The following DNAH14 variants were observed in gnomAD, a reference collection of about 807,000 sequenced individuals.
The protein encoded by DNAH14 is axonemal beta dynein heavy chain 14.
In DNAH14, 478 loss-of-function variants were observed where a neutral mutation model predicts 520.9. The ratio of observed to expected loss-of-function variants is 0.92; its 90% CI spans 0.85 to 0.99. The LOEUF (loss-of-function observed/expected upper bound fraction) is 0.99. Ranked by LOEUF, DNAH14 falls within the 50% of genes least tolerant of loss-of-function variation. The probability of loss-of-function intolerance (pLI) is 0.00; values close to 1 mark genes in which losing one functional copy is unlikely to be tolerated. For synonymous variants in DNAH14, 1,581 were observed against 1,757.2 expected (o/e 0.90, Z 2.51); for missense variants, 4,831 against 5,234.5 (o/e 0.92, Z 2.38).
intron 11 of DNAH14, among the ~76,000 whole-genome samples, chr1:225,029,189 T>C (rs1186457894): frequency 6.6e-6 from 1 of 152,034 alleles, no homozygotes; most frequent in Non-Finnish European, 1.5e-5. Context: ...ATATATTATA[T>C]GATTCCATTT....
chr1:225,240,934 AAAG>A (rs777578010), intron 43 of DNAH14, 112 bp downstream of exon 43: 4 of 856,934 alleles, frequency 4.7e-6, no homozygotes, highest in Non-Finnish European at 5.2e-6. Context: ...ATTGAAGGAA[AAAG>A]AAGGTTTATA....
Position 225,258,063 on chromosome 1 carries a change from C to A in DNAH14, c.6969C>A (p.Cys2323Ter), listed in dbSNP as rs866476437. The A allele has an allele frequency of 2.1e-5, 33 of 1,548,810 alleles. No individual in the cohort carries two copies. The highest frequency in any genetic ancestry group is 2.1e-5 in the Non-Finnish European group (24 of 1,146,032). ...ATACCGCTACCAGAGACACAACATG[C>A]CTTTCTTTTCTCATGAGCCTTCTTT... ...INYTATRDTT[C>*]LSFLMSLLLK... Residue 2323 changes from cysteine (C) to a stop codon, truncating the protein, a stop_gained, in exon 45 of 86, where the codon TGC (cysteine) becomes TGA (stop). Transcript: ENST00000682510. LOFTEE classifies it high-confidence loss of function.
chr1:225,185,998 TA>T (rs1415975771), intron 37 of DNAH14, among the ~76,000 whole-genome samples: 3 of 146,102 alleles, frequency 2.1e-5, no homozygotes, highest in African/African-American at 7.6e-5. Flanking sequence ...TTTCAGCATC[TA>T]TTTTTTAAAT....
At chr1:224,983,585 A>G (rs557006823) in intron 8 of DNAH14, among the ~76,000 whole-genome samples, 46 of 152,302 alleles carry the variant, frequency 3.0e-4, no homozygotes, top group Non-Finnish European at 1.8e-4. Flanking sequence ...GGGCATCCAA[A>G]TTGGTAAAGA....
intron 41 of DNAH14, among the ~76,000 whole-genome samples, chr1:225,208,560 A>G (rs1041918776): frequency 2.0e-5 from 3 of 152,216 alleles, no homozygotes; most frequent in African/African-American, 7.2e-5. Context: ...GTTAACATTC[A>G]TATAACAGAA....
At chr1:225,238,836 G>A (rs78527765) in intron 42 of DNAH14, among the ~76,000 whole-genome samples, 7,468 of 152,254 alleles carry the variant, frequency 0.049, 288 homozygotes, top group Non-Finnish European at 0.073. Flanking sequence ...ACCTCTGCAT[G>A]GAGGCCACAC....
chr1:225,315,654 G>C (rs1473015418), intron 60 of DNAH14, among the ~76,000 whole-genome samples: 7 of 152,136 alleles, frequency 4.6e-5, no homozygotes, highest in African/African-American at 1.7e-4. Flanking sequence ...TGATGTTGAT[G>C]CTATTGCTTT....
chr1:225,031,690 CTT>C lies in DNAH14; in HGVS notation c.1359-7003_1359-7002del, dbSNP rs2066539539. On this transcript the variant is annotated intron_variant, in intron 11 of 85. Coordinates refer to ENST00000682510, the MANE Select transcript of DNAH14 (RefSeq NM_001367479.1). ...TTCCATGGTACTGCTAAAACTTTAG[CTT>C]CTTCAACTCCATTTATTTTCCTCTT... Among the ~76,000 whole-genome samples the C allele has an allele frequency of 2.0e-5, 3 of 151,716 alleles. 1 individual carries two copies. The South Asian group carries it at 6.2e-4, about 31-fold the overall frequency.
intron 35 of DNAH14, among the ~76,000 whole-genome samples, chr1:225,165,153 T>G (rs2081924814): frequency 6.6e-6 from 1 of 152,124 alleles, no homozygotes; most frequent in South Asian, 2.1e-4. Context: ...TTTAATATAT[T>G]AAAATCTCTA....
chr1:225,228,258 A>G (rs554396858), intron 41 of DNAH14, among the ~76,000 whole-genome samples: 2 of 152,336 alleles, frequency 1.3e-5, no homozygotes, highest in East Asian at 3.9e-4. Flanking sequence ...TGTCTAATGA[A>G]TTCTCTTACA....
At chr1:225,149,452 C>A (rs761041356) in intron 31 of DNAH14, among the ~76,000 whole-genome samples, 1 of 152,050 alleles carries the variant, frequency 6.6e-6, no homozygotes, top group Non-Finnish European at 1.5e-5. Flanking sequence ...TAGTTTTTTT[C>A]TAATTCTGTG....
At chr1:225,028,804 C>T (rs2456335) in intron 11 of DNAH14, among the ~76,000 whole-genome samples, 129,031 of 151,954 alleles carry the variant, frequency 0.85, 56,247 homozygotes, top group Non-Finnish European at 0.96. Flanking sequence ...ATACAAAGTG[C>T]TCATGAGGAT....
At chr1:225,096,237 C>G (rs1444133261) in intron 21 of DNAH14, among the ~76,000 whole-genome samples, 1 of 152,176 alleles carries the variant, frequency 6.6e-6, no homozygotes, top group African/African-American at 2.4e-5. Flanking sequence ...ACGCCTCAGC[C>G]TCCCAAAGTG....
At chr1:225,349,709 C>T (rs982125964) in intron 71 of DNAH14, among the ~76,000 whole-genome samples, 1 of 151,996 alleles carries the variant, frequency 6.6e-6, no homozygotes, top group African/African-American at 2.4e-5. Context: ...CAAAGACAGA[C>T]ATGAGATAAT....
intron 36 of DNAH14, among the ~76,000 whole-genome samples, chr1:225,171,641 C>T (rs1056336360): frequency 1.3e-5 from 2 of 152,088 alleles, no homozygotes; most frequent in African/African-American, 4.8e-5. Context: ...GCTTACCAAC[C>T]AAAAGAAGTC....
intron 43 of DNAH14, among the ~76,000 whole-genome samples, chr1:225,248,040 G>C (rs1011592505): frequency 2.6e-5 from 4 of 152,000 alleles, no homozygotes; most frequent in Non-Finnish European, 5.9e-5. Context: ...ATAATAATTA[G>C]ACAAATTTTT....
At chr1:225,276,967 AAGGAAGGAAGGAAGGAAGGG>A (rs1558241034) in intron 53 of DNAH14, among the ~76,000 whole-genome samples, 10 of 54,016 alleles carry the variant, frequency 1.9e-4, no homozygotes, top group African/African-American at 7.1e-4. Flanking sequence ...GGAAGGAAGG[AAGGAAGGAAGGAAGGAAGGG>A]AGGGAGGAAG....
At chr1:225,144,697 T>C in intron 29 of DNAH14, 69 bp downstream of exon 29, 1 of 1,231,674 alleles carries the variant, frequency 8.1e-7, no homozygotes. Flanking sequence ...GATGTTATCT[T>C]AAATTTACAC....
rs1202518425 is a variant in DNAH14, at chr1:224,975,833, G to A, written c.830+1680G>A. Among the ~76,000 whole-genome samples, 94 of 151,462 alleles carry A rather than the reference G, an allele frequency of 6.2e-4. 2 individuals carry two copies. The South Asian group carries it at 0.019, about 30-fold the overall frequency. On this transcript the variant is annotated intron_variant, in intron 8 of 85. Transcript: ENST00000682510. ...ATTGTGATGTTAGGGTGTCAATTTT[G>A]GATCTTTCCTGCTTTCTCTTGTGGG...
Sources: allele counts gnomAD v4.1 joint callset (sites outside exome capture counted in the v4.1 genomes callset), GRCh38; gene constraint gnomAD v4.1.1; transcripts MANE v1.5; gene names NCBI Gene and HGNC (gene_info 2026-07-23, HGNC 2026-07-21).